The following GALNT13 variants were observed in gnomAD, a reference collection of about 807,000 sequenced individuals.
GALNT13 encodes the protein UDP-GalNAc:polypeptide N-acetylgalactosaminyltransferase 13.
A neutral mutation model predicts 64.2 loss-of-function variants in GALNT13; 28 were observed. The observed-to-expected ratio is 0.44, with a 90% CI of 0.32 to 0.60. GALNT13 has a LOEUF of 0.60. Ranked by LOEUF, GALNT13 falls within the 20% of genes least tolerant of loss-of-function variation. The pLI, the probability that GALNT13 is intolerant of heterozygous loss-of-function variation, is 0.05. For synonymous variants in GALNT13, 214 were observed against 224.6 expected (o/e 0.95, Z 0.42); for missense variants, 577 against 669.8 (o/e 0.86, Z 1.53).
chr2:153,530,415 G>A, the GALNT13 span, among the ~76,000 whole-genome samples: 1 of 152,038 alleles, frequency 6.6e-6, no homozygotes, highest in African/African-American at 2.4e-5. Flanking sequence ...TGGATTAGAT[G>A]AGTCAATATT....
At chr2:153,079,707 G>T in the GALNT13 span, among the ~76,000 whole-genome samples, 3 of 152,246 alleles carry the variant, frequency 2.0e-5, no homozygotes, top group East Asian at 5.8e-4. Flanking sequence ...CAGGCCCTAG[G>T]CCATACAGGT....
At chr2:153,581,193 G>A in the GALNT13 span, among the ~76,000 whole-genome samples, 2 of 151,956 alleles carry the variant, frequency 1.3e-5, no homozygotes, top group African/African-American at 4.8e-5. Context: ...AAATATAGAG[G>A]AAAAAGACTC....
chr2:153,531,222 A>G, the GALNT13 span, among the ~76,000 whole-genome samples: 8 of 152,328 alleles, frequency 5.3e-5, no homozygotes, highest in Non-Finnish European at 1.2e-4. Flanking sequence ...ATTGGCTCAC[A>G]GTTCCACAGG....
intron 8 of GALNT13, among the ~76,000 whole-genome samples, chr2:154,279,945 A>G (rs1197523402): frequency 6.6e-6 from 1 of 152,186 alleles, no homozygotes; most frequent in Non-Finnish European, 1.5e-5. Context: ...ATAGCAAAAA[A>G]AAAAGTGCCT....
chr2:153,219,102 A>C, the GALNT13 span, among the ~76,000 whole-genome samples: 2 of 152,192 alleles, frequency 1.3e-5, no homozygotes, highest in Non-Finnish European at 2.9e-5. Flanking sequence ...GGGGATGGCC[A>C]CCCAGTAAGA....
chr2:153,818,535 A>G, the GALNT13 span, among the ~76,000 whole-genome samples: 2 of 152,184 alleles, frequency 1.3e-5, no homozygotes, highest in Non-Finnish European at 2.9e-5. Flanking sequence ...CTTGCCAGGC[A>G]GGGCTCGTAG....
At chr2:153,991,648 A>G (rs1695162514) in intron 3 of GALNT13, among the ~76,000 whole-genome samples, 1 of 152,194 alleles carries the variant, frequency 6.6e-6, no homozygotes, top group Non-Finnish European at 1.5e-5. Flanking sequence ...AGTGGTAAAT[A>G]TAGACATCCA....
the GALNT13 span, among the ~76,000 whole-genome samples, chr2:153,741,211 A>G: frequency 1.3e-5 from 2 of 151,988 alleles, no homozygotes; most frequent in Non-Finnish European, 2.9e-5. Flanking sequence ...AACTATTTCA[A>G]TCTATTTATT....
At chr2:154,253,688 GC>G (rs973809977) in intron 7 of GALNT13, among the ~76,000 whole-genome samples, 4 of 152,144 alleles carry the variant, frequency 2.6e-5, no homozygotes, top group Non-Finnish European at 5.9e-5. Flanking sequence ...AGATGATAGA[GC>G]CTTTGAAAAT....
At chr2:153,523,112 T>C in the GALNT13 span, among the ~76,000 whole-genome samples, 2 of 145,078 alleles carry the variant, frequency 1.4e-5, no homozygotes, top group African/African-American at 5.3e-5. Context: ...TTGAAAAGAT[T>C]CTCCTTTCAA....
the GALNT13 span, among the ~76,000 whole-genome samples, chr2:153,252,418 G>A: frequency 7.4e-6 from 1 of 135,162 alleles, no homozygotes; most frequent in African/African-American, 2.9e-5. Context: ...CCATTTTGTA[G>A]GTTGCCTGTT....
At chr2:153,486,036 C>A in the GALNT13 span, among the ~76,000 whole-genome samples, 9 of 152,252 alleles carry the variant, frequency 5.9e-5, no homozygotes, top group African/African-American at 2.2e-4. Context: ...TTCCCAGGTT[C>A]CAGCAATTCT....
chr2:153,235,074 C>T, the GALNT13 span, among the ~76,000 whole-genome samples: 1 of 152,100 alleles, frequency 6.6e-6, no homozygotes, highest in African/African-American at 2.4e-5. Flanking sequence ...GAGCTGGACT[C>T]ATGTAGTATG....
At chr2:153,780,236 T>TATGC in the GALNT13 span, among the ~76,000 whole-genome samples, 21 of 11,220 alleles carry the variant, frequency 1.9e-3, no homozygotes, top group African/African-American at 4.0e-3. Flanking sequence ...TATATATATA[T>TATGC]ATATATATAT....
intron 3 of GALNT13, among the ~76,000 whole-genome samples, chr2:154,030,425 A>G (rs557130665): frequency 6.6e-6 from 1 of 152,250 alleles, no homozygotes; most frequent in East Asian, 1.9e-4. Flanking sequence ...AACCACTGAA[A>G]GTTATCATGA....
At chr2:153,860,142 G>A in the GALNT13 span, among the ~76,000 whole-genome samples, 127 of 152,226 alleles carry the variant, frequency 8.3e-4, 1 homozygote, top group Admixed American at 8.2e-3. Flanking sequence ...TTATTCAGAC[G>A]TTTTGTACTT....
the GALNT13 span, among the ~76,000 whole-genome samples, chr2:153,708,587 T>C: frequency 6.6e-6 from 1 of 152,164 alleles, no homozygotes; most frequent in African/African-American, 2.4e-5. Flanking sequence ...TGTAAATCAA[T>C]GGTTGTCAGG....
chr2:153,981,883 T>C (rs924323736), intron 3 of GALNT13, among the ~76,000 whole-genome samples: 6 of 152,088 alleles, frequency 3.9e-5, no homozygotes, highest in Non-Finnish European at 8.8e-5. Context: ...TTTTTCTTGC[T>C]AGTTATTTTT....
the GALNT13 span, among the ~76,000 whole-genome samples, chr2:153,110,958 CA>C: frequency 6.6e-6 from 1 of 152,142 alleles, no homozygotes; most frequent in East Asian, 1.9e-4. Context: ...CTTATGTGTG[CA>C]AATGATTTTG....
Sources: gnomAD v4.1 joint callset for allele counts (sites outside exome capture counted in the v4.1 genomes callset) on GRCh38, gnomAD v4.1.1 for gene constraint, MANE v1.5 for transcripts, NCBI Gene and HGNC (gene_info 2026-07-23, HGNC 2026-07-21) for gene names.